Variants in TEKT5 observed in about 807,000 individuals in gnomAD.
TEKT5 encodes tektin 5, also known as tektin-5.
In TEKT5, 52 loss-of-function variants were observed where a neutral mutation model predicts 48.7. The ratio of observed to expected loss-of-function variants is 1.07; its 90% CI spans 0.86 to 1.35. The LOEUF is 1.35. TEKT5 is among the 40% of genes most tolerant of loss of function. The pLI is 0.00. For synonymous variants in TEKT5, 318 were observed against 267.6 expected (o/e 1.19, Z -1.84); for missense variants, 831 against 641.6 (o/e 1.30, Z -3.19).
intron 1 of TEKT5, among the ~76,000 whole-genome samples, chr16:10,692,267 C>G (rs974513935): frequency 6.6e-6 from 1 of 152,144 alleles, no homozygotes; most frequent in Non-Finnish European, 1.5e-5. Context: ...CTCTGAAAAG[C>G]TGCCCTGCCC....
At chr16:10,641,009 G>A (rs958803984) in intron 5 of TEKT5, among the ~76,000 whole-genome samples, 2 of 152,144 alleles carry the variant, frequency 1.3e-5, no homozygotes, top group Non-Finnish European at 1.5e-5. Context: ...GGAATAGCTG[G>A]ATCATAGAAT....
intron 5 of TEKT5, among the ~76,000 whole-genome samples, chr16:10,646,063 G>A (rs751445206): frequency 4.0e-5 from 6 of 151,876 alleles, no homozygotes; most frequent in Non-Finnish European, 7.4e-5. Flanking sequence ...CCAGAAGGTC[G>A]AGGTCGCACT....
intron 3 of TEKT5, among the ~76,000 whole-genome samples, chr16:10,685,630 T>C (rs544810309): frequency 6.6e-6 from 1 of 152,198 alleles, no homozygotes; most frequent in African/African-American, 2.4e-5. Flanking sequence ...GTCTCTCTCC[T>C]TCTCTTTGCC....
intron 3 of TEKT5, among the ~76,000 whole-genome samples, chr16:10,687,787 A>G (rs1342922468): frequency 2.6e-5 from 4 of 152,230 alleles, no homozygotes; most frequent in Admixed American, 6.5e-5. Flanking sequence ...ATGAACATTT[A>G]AGGGATTTTA....
At position 10,665,865 on chromosome 16, in the gene TEKT5, T is replaced by C. The variant is rs13335314; in HGVS notation, c.1086+10094A>G. 3.8e-3 allele frequency among the ~76,000 whole-genome samples: 572 copies of C among 152,310 alleles called. 8 individuals carry two copies. The highest frequency in any genetic ancestry group is 0.013 in the African/African-American group (549 of 41,572). On this transcript the variant is annotated intron_variant, in intron 5 of 6. Coordinates refer to ENST00000283025, the MANE Select transcript of TEKT5 (RefSeq NM_144674.2). ...GCCCTGAGCCTTTTCCTGAGAGCTA[T>C]AGCCTGAGATAGCTGGAAACCCACA... is the stretch of plus-strand genomic sequence containing the variant.
intron 5 of TEKT5, among the ~76,000 whole-genome samples, chr16:10,639,097 G>C (rs1288552586): frequency 1.3e-5 from 2 of 152,116 alleles, no homozygotes; most frequent in South Asian, 4.2e-4. Flanking sequence ...TTGAGCCCAG[G>C]AGTTTGAGAC....
chr16:10,649,186 A>G (rs1898115661), intron 5 of TEKT5, among the ~76,000 whole-genome samples: 2 of 150,656 alleles, frequency 1.3e-5, no homozygotes, highest in African/African-American at 2.4e-5. Context: ...TGGCACTATC[A>G]TATCTCACTG....
At chr16:10,682,491 C>G (rs1376900918) in intron 3 of TEKT5, among the ~76,000 whole-genome samples, 1 of 152,194 alleles carries the variant, frequency 6.6e-6, no homozygotes, top group African/African-American at 2.4e-5. Flanking sequence ...CCAAGCCCGA[C>G]TAACTTTTTA....
At chr16:10,690,648 G>A (rs1160168989) in intron 1 of TEKT5, 1 of 985,290 alleles carries the variant, frequency 1.0e-6, no homozygotes, top group South Asian at 4.7e-5. Flanking sequence ...TGGAGGGACA[G>A]TTTGGGGAAG....
intron 4 of TEKT5, 90 bp from the exon 5 acceptor site, chr16:10,676,271 G>C: frequency 1.6e-6 from 2 of 1,271,488 alleles, no homozygotes; most frequent in Non-Finnish European, 2.2e-6. Flanking sequence ...CTCTGGGTCG[G>C]GATTATTCTC....
chr16:10,667,869 ATAAGT>A (rs150228236), intron 5 of TEKT5, among the ~76,000 whole-genome samples: 71 of 69,652 alleles, frequency 1.0e-3, no homozygotes, highest in African/African-American at 3.5e-3. Flanking sequence ...AATGGGAAAA[ATAAGT>A]TAATAATTTT....
intron 5 of TEKT5, among the ~76,000 whole-genome samples, chr16:10,640,103 C>A (rs899290078): frequency 4.3e-5 from 3 of 69,908 alleles, no homozygotes; most frequent in Admixed American, 3.8e-4. Flanking sequence ...TCCCTCTCCC[C>A]TCCTCCCGTC....
intron 5 of TEKT5, among the ~76,000 whole-genome samples, chr16:10,657,842 C>T (rs577873002): frequency 8.1e-4 from 123 of 151,788 alleles, no homozygotes; most frequent in Non-Finnish European, 1.4e-3. Context: ...CCTCGTGATC[C>T]GCCCGGCTCG....
chr16:10,689,521 CTTT>C (rs35713504), intron 2 of TEKT5, among the ~76,000 whole-genome samples, 198 bp from the exon 3 acceptor site: 10,886 of 105,498 alleles, frequency 0.1, 493 homozygotes, highest in Non-Finnish European at 0.14. Context: ...GAGGCTCCAC[CTTT>C]TTTTTTTTTT....
chr16:10,634,961 C>T (rs977537662), intron 6 of TEKT5, among the ~76,000 whole-genome samples: 8 of 152,160 alleles, frequency 5.3e-5, no homozygotes, highest in Admixed American at 2.6e-4. Flanking sequence ...TCCTAACCCA[C>T]GGAAACTGAG....
intron 4 of TEKT5, among the ~76,000 whole-genome samples, chr16:10,681,041 C>A (rs1898738123): frequency 1.6e-5 from 2 of 122,850 alleles, no homozygotes; most frequent in African/African-American, 2.9e-5. Flanking sequence ...AAGAAAAATA[C>A]CAAAAAAAAA....
At chr16:10,654,850 T>A (rs1898230173) in intron 5 of TEKT5, among the ~76,000 whole-genome samples, 1 of 151,470 alleles carries the variant, frequency 6.6e-6, no homozygotes, top group Non-Finnish European at 1.5e-5. Flanking sequence ...TGCTTCTGTT[T>A]CTCTGGAGAC....
chr16:10,692,131 C>T (rs1046007350), intron 1 of TEKT5, among the ~76,000 whole-genome samples: 147 of 151,962 alleles, frequency 9.7e-4, no homozygotes, highest in African/African-American at 3.4e-3. Flanking sequence ...CGATGGTCCC[C>T]CTGCCACCAC....
chr16:10,677,000 G>A (rs898556188), intron 4 of TEKT5, among the ~76,000 whole-genome samples: 1 of 152,294 alleles, frequency 6.6e-6, no homozygotes, highest in South Asian at 2.1e-4. Flanking sequence ...ACTGGGCAAT[G>A]TGGTGAAACC....
Sources: gnomAD v4.1 joint callset for allele counts (sites outside exome capture counted in the v4.1 genomes callset) on GRCh38, gnomAD v4.1.1 for gene constraint, MANE v1.5 for transcripts, NCBI Gene and HGNC (gene_info 2026-07-23, HGNC 2026-07-21) for gene names.